The following FAT3 variants were observed in gnomAD, a reference collection of about 807,000 sequenced individuals.
The protein encoded by FAT3 is protocadherin Fat 3.
FAT3 carries 95 observed loss-of-function variants against 310.2 expected under a neutral mutation model. The ratio of observed to expected loss-of-function variants is 0.31; its 90% CI spans 0.26 to 0.36. The LOEUF (loss-of-function observed/expected upper bound fraction) is 0.36. Ranked by LOEUF, FAT3 falls within the 10% of genes least tolerant of loss-of-function variation. The probability of loss-of-function intolerance (pLI) is 1.00; values close to 1 mark genes in which losing one functional copy is unlikely to be tolerated. For synonymous variants in FAT3, 2,314 were observed against 2,192.9 expected (o/e 1.06, Z -1.54); for missense variants, 5,408 against 5,715.6 (o/e 0.95, Z 1.74).
intron 3 of FAT3, among the ~76,000 whole-genome samples, chr11:92,624,161 T>G (rs1196076005): frequency 2.0e-5 from 3 of 152,110 alleles, no homozygotes; most frequent in Non-Finnish European, 2.9e-5. Flanking sequence ...AGAAAGTAAC[T>G]AAGCCCTACT....
At chr11:92,304,529 A>C (rs775319205) in intron 1 of FAT3, among the ~76,000 whole-genome samples, 19 of 152,024 alleles carry the variant, frequency 1.2e-4, no homozygotes, top group Non-Finnish European at 2.6e-4. Flanking sequence ...ATTGGCATTC[A>C]TGTGATTTGC....
intron 1 of FAT3, among the ~76,000 whole-genome samples, chr11:92,243,319 A>G (rs997712208): frequency 1.3e-5 from 2 of 152,088 alleles, no homozygotes; most frequent in South Asian, 4.1e-4. Flanking sequence ...CATTGTTTCC[A>G]TTACCACAGA....
rs148612374 is a variant in FAT3, at chr11:92,752,489, A to T, written c.3670-9367A>T. Among the ~76,000 whole-genome samples the T allele has an allele frequency of 2.4e-4, 37 of 152,372 alleles. No individual in the cohort carries two copies. The East Asian group carries it at 6.9e-3, about 29-fold the overall frequency. On this transcript the variant is annotated intron_variant, in intron 4 of 27. Transcript: ENST00000525166. ...CAGGGCTCTGCATCTCACAGTGAGT[A>T]CTTGATGCATAGCAAGCTTTTAATG...
chr11:92,570,550 C>T (rs895343404), intron 3 of FAT3, among the ~76,000 whole-genome samples: 3 of 152,130 alleles, frequency 2.0e-5, no homozygotes, highest in Admixed American at 6.5e-5. Context: ...CTTAGCCACT[C>T]TTGTTTCATT....
chr11:92,509,666 C>T (rs1221287889), intron 2 of FAT3, among the ~76,000 whole-genome samples: 4 of 152,226 alleles, frequency 2.6e-5, no homozygotes, highest in Middle Eastern at 3.4e-3. Flanking sequence ...AAAAATGAGT[C>T]ATAGAACTAA....
At chr11:92,408,547 C>A (rs1950185288) in intron 2 of FAT3, among the ~76,000 whole-genome samples, 1 of 152,314 alleles carries the variant, frequency 6.6e-6, no homozygotes, top group Admixed American at 6.5e-5. Context: ...TGAAACACCT[C>A]ACTTAAGGCA....
intron 3 of FAT3, among the ~76,000 whole-genome samples, chr11:92,573,290 A>G (rs75597500): frequency 0.013 from 1,969 of 152,238 alleles, 33 homozygotes; most frequent in African/African-American, 0.034. Context: ...TGACTCCCTG[A>G]GGATGGCTAT....
intron 13 of FAT3, among the ~76,000 whole-genome samples, chr11:92,810,885 G>A (rs1272812578): frequency 2.0e-5 from 3 of 152,162 alleles, no homozygotes; most frequent in Non-Finnish European, 2.9e-5. Context: ...ACTAGGAAAT[G>A]ATGAGGTGTG....
intron 13 of FAT3, among the ~76,000 whole-genome samples, chr11:92,826,643 C>T (rs966510757): frequency 2.0e-5 from 3 of 152,158 alleles, no homozygotes; most frequent in Non-Finnish European, 4.4e-5. Flanking sequence ...GAGATTAGAA[C>T]CCACATTAAA....
intron 18 of FAT3, among the ~76,000 whole-genome samples, chr11:92,842,861 G>A (rs34508481): frequency 0.33 from 50,900 of 152,032 alleles, 9,110 homozygotes; most frequent in South Asian, 0.5. Context: ...CAGCCTAGGT[G>A]GCAGGACGAG....
chr11:92,754,025 G>A (rs7127057), intron 4 of FAT3, among the ~76,000 whole-genome samples: 40,295 of 151,548 alleles, frequency 0.27, 6,043 homozygotes, highest in Non-Finnish European at 0.33. Flanking sequence ...TACAAATATG[G>A]TGCAATGTAT....
chr11:92,408,579 C>A (rs1950186459), intron 2 of FAT3, among the ~76,000 whole-genome samples: 1 of 152,114 alleles, frequency 6.6e-6, no homozygotes, highest in Non-Finnish European at 1.5e-5. Context: ...GAACACTCAC[C>A]AAATGCCAGC....
intron 2 of FAT3, among the ~76,000 whole-genome samples, chr11:92,402,765 C>G (rs1212989964): frequency 2.0e-5 from 3 of 149,676 alleles, no homozygotes; most frequent in Non-Finnish European, 3.0e-5. Context: ...AGAAAAAGAA[C>G]TTTCCAACAT....
chr11:92,715,320 A>G (rs1944649707), intron 4 of FAT3, among the ~76,000 whole-genome samples: 1 of 151,914 alleles, frequency 6.6e-6, no homozygotes, highest in African/African-American at 2.4e-5. Flanking sequence ...AGGCAGGAGA[A>G]TGGTGTGAAC....
Position 92,834,949 on chromosome 11 carries a change from C to G in FAT3, c.9951C>G (p.Gly3317=). ...FYLVVEAKDG[G]TPALSAVATV... ...TGGTAGTGGAAGCCAAAGATGGGGGCACCCCAGCTCTCAGCGCTGTGGCCA... is the reference window on the plus strand; with the variant it reads ...TGGTAGTGGAAGCCAAAGATGGGGGGACCCCAGCTCTCAGCGCTGTGGCCA... The change falls in exon 15 of 28, where the codon GGC becomes GGG. Residue 3317 remains glycine (G), a synonymous_variant. Transcript: ENST00000525166. 1 of 1,613,062 alleles carries G rather than the reference C, an allele frequency of 6.2e-7. No individual in the cohort carries two copies. Among genetic ancestry groups the G allele is most frequent in the East Asian group, 2.2e-5 (1 of 44,870 alleles).
chr11:92,463,148 G>A (rs75706489), intron 2 of FAT3, among the ~76,000 whole-genome samples: 2,299 of 152,274 alleles, frequency 0.015, 74 homozygotes, highest in African/African-American at 0.052. Context: ...CCTTCACAGA[G>A]GAGCAAATAT....
intron 1 of FAT3, among the ~76,000 whole-genome samples, chr11:92,238,547 C>G (rs72968336): frequency 3.3e-5 from 5 of 151,980 alleles, no homozygotes; most frequent in South Asian, 2.1e-4. Flanking sequence ...CTTAGGGTGG[C>G]CTGGGGCTGT....
chr11:92,802,085 T>C (rs1413876564), intron 10 of FAT3, among the ~76,000 whole-genome samples, 176 bp downstream of exon 10: 1 of 152,174 alleles, frequency 6.6e-6, no homozygotes, highest in African/African-American at 2.4e-5. Flanking sequence ...TGTTGGCTGT[T>C]GCTAACTCAG....
At chr11:92,520,686 A>G (rs17528321) in intron 2 of FAT3, among the ~76,000 whole-genome samples, 10,899 of 152,100 alleles carry the variant, frequency 0.072, 416 homozygotes, top group East Asian at 0.11. Flanking sequence ...CAGAAATGCT[A>G]TCACTGGACA....
Sources: gnomAD v4.1 joint callset for allele counts (sites outside exome capture counted in the v4.1 genomes callset) on GRCh38, gnomAD v4.1.1 for gene constraint, MANE v1.5 for transcripts, NCBI Gene and HGNC (gene_info 2026-07-23, HGNC 2026-07-21) for gene names.